Variants in CNTN1 observed in about 807,000 individuals in gnomAD.
The protein encoded by CNTN1 is contactin-1.
In CNTN1, 38 loss-of-function variants were observed where a neutral mutation model predicts 126.4. The ratio of observed to expected loss-of-function variants is 0.30; its 90% CI spans 0.23 to 0.39. CNTN1 has a LOEUF of 0.39. CNTN1 is among the 10% of genes least tolerant of loss of function. CNTN1 has a pLI of 1.00. For synonymous variants in CNTN1, 413 were observed against 422.6 expected, an observed-to-expected ratio of 0.98 and a Z score of 0.28; for missense variants, 1,009 against 1,248.4, an observed-to-expected ratio of 0.81 and a Z score of 2.89.
At position 41,049,495 on chromosome 12, in the gene CNTN1, G is replaced by T. The variant is rs192282509; in HGVS notation, c.2980+20276G>T. On this transcript the variant is annotated intron_variant, in intron 23 of 23. Coordinates refer to ENST00000551295, the MANE Select transcript of CNTN1 (RefSeq NM_001843.4). ...TTCATTTCATCAAGAAATCCTGTTG[G>T]TTTTACCACTAAAATAAATGTATTG... is the stretch of plus-strand genomic sequence containing the variant. Among the ~76,000 whole-genome samples, 75 of 152,174 alleles carry T rather than the reference G, an allele frequency of 4.9e-4. 4 individuals carry two copies. The highest frequency in any genetic ancestry group is 4.6e-3 in the Admixed American group (70 of 15,284).
intron 1 of CNTN1, among the ~76,000 whole-genome samples, chr12:40,905,771 G>A (rs1380799710): frequency 6.6e-6 from 1 of 151,996 alleles, no homozygotes; most frequent in Non-Finnish European, 1.5e-5. Flanking sequence ...TATTTTGTAT[G>A]TGTAACTCAA....
chr12:40,935,128 A>C (rs1360749642), intron 9 of CNTN1, among the ~76,000 whole-genome samples: 2 of 151,986 alleles, frequency 1.3e-5, no homozygotes, highest in Non-Finnish European at 2.9e-5. Context: ...TGAATGCTCT[A>C]ACCCAAACAT....
At chr12:40,936,477 G>C (rs1323572593) in intron 9 of CNTN1, among the ~76,000 whole-genome samples, 2 of 152,150 alleles carry the variant, frequency 1.3e-5, no homozygotes, top group South Asian at 2.1e-4. Context: ...AGACTTGAAA[G>C]GTTTATGTTA....
chr12:40,915,789 C>T (rs749120306), intron 3 of CNTN1, among the ~76,000 whole-genome samples: 14 of 151,814 alleles, frequency 9.2e-5, no homozygotes, highest in Non-Finnish European at 1.5e-4. Context: ...ACTGAAGTAC[C>T]CAAAGTCAGA....
chr12:40,945,644 A>G (rs1218105528), intron 14 of CNTN1, among the ~76,000 whole-genome samples: 2 of 151,982 alleles, frequency 1.3e-5, no homozygotes, highest in Admixed American at 6.6e-5. Context: ...GTGCTGGTAC[A>G]TGTAAATAAT....
intron 1 of CNTN1, among the ~76,000 whole-genome samples, chr12:40,764,568 A>C (rs1258683706): frequency 1.3e-5 from 2 of 152,226 alleles, no homozygotes; most frequent in East Asian, 3.8e-4. Flanking sequence ...CTTGAGAAAG[A>C]CTTTCCTGGT....
rs768904007 is a variant in CNTN1, at chr12:40,964,521, A to AGT, written c.1804+5289_1804+5290dup. The stretch of plus-strand genomic sequence containing the variant: ...TGTATTTAGGTGAAAACACCGTGTA[A>AGT]GTGAGTGTGTGTGTGTGTGTGTGTG... On this transcript the variant is annotated intron_variant, in intron 15 of 23. Transcript: ENST00000551295. 9.6e-3 allele frequency among the ~76,000 whole-genome samples: 1,087 copies of AGT among 112,766 alleles called. 13 individuals are homozygous for AGT. Among genetic ancestry groups the AGT allele is most frequent in the Middle Eastern group, 0.035 (9 of 260 alleles). The allele number at this position is 112,766 out of a possible 152,430, so 74.0% of individuals were successfully genotyped here.
intron 1 of CNTN1, chr12:40,729,760 G>T: frequency 4.7e-6 from 1 of 214,442 alleles, no homozygotes; most frequent in South Asian, 8.6e-5. Context: ...GTGGATGGCA[G>T]GATGAATCCT....
intron 15 of CNTN1, among the ~76,000 whole-genome samples, chr12:40,968,342 T>G (rs1279741584): frequency 6.6e-6 from 1 of 152,210 alleles, no homozygotes; most frequent in African/African-American, 2.4e-5. Context: ...TGCTATTTTA[T>G]TTTTGCTCAT....
intron 1 of CNTN1, among the ~76,000 whole-genome samples, chr12:40,866,716 T>A (rs1282269551): frequency 6.6e-6 from 1 of 152,200 alleles, no homozygotes; most frequent in Non-Finnish European, 1.5e-5. Context: ...AGTTTGCTAA[T>A]ATTTTGTTGA....
intron 1 of CNTN1, among the ~76,000 whole-genome samples, chr12:40,700,223 T>C (rs904214013): frequency 1.3e-5 from 2 of 152,176 alleles, no homozygotes; most frequent in African/African-American, 4.8e-5. Context: ...TTTTAAAACT[T>C]GAATTATTAA....
chr12:41,016,633 C>G (rs757001238), intron 18 of CNTN1, 49 bp from the exon 19 acceptor site: 9 of 1,205,334 alleles, frequency 7.5e-6, no homozygotes, highest in Non-Finnish European at 1.1e-5. Flanking sequence ...CATTTCCTCC[C>G]TGTTACCTGT....
intron 1 of CNTN1, among the ~76,000 whole-genome samples, chr12:40,827,369 AATT>A (rs1941647640): frequency 6.6e-6 from 1 of 152,066 alleles, no homozygotes; most frequent in African/African-American, 2.4e-5. Context: ...TGAAATGAAA[AATT>A]AATTATTTGT....
intron 17 of CNTN1, 39 bp downstream of exon 17, chr12:40,993,308 C>T: frequency 6.4e-7 from 1 of 1,555,438 alleles, no homozygotes; most frequent in Non-Finnish European, 8.9e-7. Flanking sequence ...TAAAAGATTT[C>T]TAAATACAGT....
intron 15 of CNTN1, among the ~76,000 whole-genome samples, chr12:40,967,253 C>T (rs563910669): frequency 5.3e-5 from 8 of 152,018 alleles, no homozygotes; most frequent in Admixed American, 3.3e-4. Context: ...GAGGCCAAGG[C>T]GGGTGGATCA....
intron 1 of CNTN1, among the ~76,000 whole-genome samples, chr12:40,813,126 T>C (rs112619370): frequency 1.4e-5 from 2 of 143,204 alleles, no homozygotes; most frequent in Admixed American, 1.4e-4. Context: ...TCTTTCCTTC[T>C]TTCTTTCTTT....
intron 23 of CNTN1, 65 bp downstream of exon 23, chr12:41,029,284 C>G: frequency 6.4e-7 from 1 of 1,574,214 alleles, no homozygotes; most frequent in Non-Finnish European, 8.7e-7. Context: ...CTGTGGATTC[C>G]CAAGGGTAGG....
At chr12:40,906,609 G>A (rs1052239545) in intron 1 of CNTN1, among the ~76,000 whole-genome samples, 9 of 150,868 alleles carry the variant, frequency 6.0e-5, no homozygotes, top group East Asian at 1.9e-4. Context: ...AAATATGTTC[G>A]ACTATATTTA....
chr12:40,848,677 C>A (rs2225314), intron 1 of CNTN1, among the ~76,000 whole-genome samples: 65,803 of 151,720 alleles, frequency 0.43, 14,551 homozygotes, highest in East Asian at 0.7. Flanking sequence ...CAAGTCCTTT[C>A]AAGGATGCAT....
Sources: allele counts gnomAD v4.1 joint callset (sites outside exome capture counted in the v4.1 genomes callset), GRCh38; gene constraint gnomAD v4.1.1; transcripts MANE v1.5; gene names NCBI Gene and HGNC (gene_info 2026-07-23, HGNC 2026-07-21).